HTR1F: variants seen among roughly 807,000 people sequenced by gnomAD.
The protein encoded by HTR1F is 5-hydroxytryptamine receptor 1F, also known as 5-hydroxytryptamine (serotonin) receptor 1F, G protein-coupled.
HTR1F carries 17 observed loss-of-function variants against 24.0 expected under a neutral mutation model. The observed-to-expected ratio is 0.71, with a 90% CI of 0.48 to 1.06. HTR1F has a LOEUF of 1.06. Among genes scored for constraint, HTR1F ranks in the 50% least tolerant of loss-of-function variants. The pLI is 0.00. For synonymous variants in HTR1F, 186 were observed against 156.8 expected (o/e 1.19, Z -1.39); for missense variants, 391 against 427.8 (o/e 0.91, Z 0.76).
chr3:87,908,407 C>T (rs910628220), intron 2 of HTR1F, among the ~76,000 whole-genome samples: 1 of 151,860 alleles, frequency 6.6e-6, no homozygotes, highest in Admixed American at 6.6e-5. Flanking sequence ...CTTCTCGGTA[C>T]CTTATTCCCA....
chr3:87,877,708 C>T (rs1705701538), intron 2 of HTR1F, among the ~76,000 whole-genome samples: 1 of 152,128 alleles, frequency 6.6e-6, no homozygotes, highest in African/African-American at 2.4e-5. Flanking sequence ...TCTGAGTTAA[C>T]TCTAAAGCTC....
intron 2 of HTR1F, among the ~76,000 whole-genome samples, chr3:87,932,597 T>C (rs1704307390): frequency 1.3e-5 from 2 of 152,172 alleles, no homozygotes; most frequent in Admixed American, 1.3e-4. Context: ...CATTGGTAGC[T>C]TGATGGGGAT....
chr3:87,991,769 C>T lies in HTR1F; in HGVS notation c.1020C>T (p.Ser340=), dbSNP rs1024864304. 13 of 1,612,182 alleles carry T rather than the reference C, an allele frequency of 8.1e-6. No individual in the cohort carries two copies. Among genetic ancestry groups the T allele is most frequent in the East Asian group, 2.2e-5 (1 of 44,856 alleles). ...TGGCATGGCTTGGGTATCTCAATTC[C>T]CTTATAAATCCACTGATTTACACAA... ...NFLAWLGYLN[S]LINPLIYTIF... is the part of the protein sequence containing the mutation. The change falls in exon 3 of 3, where the codon TCC becomes TCT. Residue 340 remains serine (S), a synonymous_variant. Transcript: ENST00000319595.
chr3:87,956,708 A>C (rs1235486911), intron 2 of HTR1F, among the ~76,000 whole-genome samples: 1 of 151,396 alleles, frequency 6.6e-6, no homozygotes, highest in East Asian at 1.9e-4. Flanking sequence ...ATCTTTGAAA[A>C]ATTAATTCCC....
At chr3:87,823,425 C>T (rs546029158) in intron 2 of HTR1F, among the ~76,000 whole-genome samples, 25 of 152,226 alleles carry the variant, frequency 1.6e-4, no homozygotes, top group African/African-American at 2.6e-4. Context: ...TTTTCAAGAC[C>T]TCTAGATGTT....
At chr3:87,931,894 TG>T (rs1704282827) in intron 2 of HTR1F, among the ~76,000 whole-genome samples, 1 of 151,640 alleles carries the variant, frequency 6.6e-6, no homozygotes, top group Non-Finnish European at 1.5e-5. Context: ...TTGATGGGGT[TG>T]TTTTTTTCTT....
At chr3:87,945,949 G>T (rs763759886) in intron 2 of HTR1F, among the ~76,000 whole-genome samples, 3 of 152,060 alleles carry the variant, frequency 2.0e-5, no homozygotes, top group Non-Finnish European at 4.4e-5. Flanking sequence ...GGCAAGCCTC[G>T]GGTTCTCTGA....
chr3:87,938,676 C>T (rs1260765564), intron 2 of HTR1F, among the ~76,000 whole-genome samples: 1 of 152,086 alleles, frequency 6.6e-6, no homozygotes, highest in Non-Finnish European at 1.5e-5. Context: ...GTGACAAAAA[C>T]AAGAAATGGG....
intron 2 of HTR1F, among the ~76,000 whole-genome samples, chr3:87,942,826 T>C (rs1347636598): frequency 1.3e-5 from 2 of 151,996 alleles, no homozygotes; most frequent in Non-Finnish European, 2.9e-5. Flanking sequence ...TTCAACAGGG[T>C]TTCTAAGTTT....
intron 2 of HTR1F, among the ~76,000 whole-genome samples, chr3:87,919,251 A>G (rs1559631489): frequency 6.6e-6 from 1 of 152,180 alleles, no homozygotes. Flanking sequence ...TAAATCTAAG[A>G]CTTGAAACTA....
intron 2 of HTR1F, among the ~76,000 whole-genome samples, chr3:87,849,850 T>C (rs1190279781): frequency 2.0e-5 from 3 of 151,864 alleles, no homozygotes; most frequent in East Asian, 1.9e-4. Flanking sequence ...AAAAGACAGA[T>C]GAAAAAATGC....
Position 87,990,746 on chromosome 3 carries a change from G to GA in HTR1F, c.1dup. ...AGCTATATTAATCTTTTAAAACAAA[G>GA]AAAATGGATTTCTTAAATTCATCTG... On this transcript the variant is annotated 5_prime_UTR_variant, in exon 3 of 3. Coordinates refer to ENST00000319595, the MANE Select transcript of HTR1F (RefSeq NM_001322209.2). 6.2e-7 allele frequency: 1 copy of GA among 1,603,252 alleles called. No individual in the cohort carries two copies. The highest frequency in any genetic ancestry group is 8.5e-7 in the Non-Finnish European group (1 of 1,171,780).
At chr3:87,804,022 T>A (rs918870955) in intron 1 of HTR1F, among the ~76,000 whole-genome samples, 1 of 152,136 alleles carries the variant, frequency 6.6e-6, no homozygotes, top group African/African-American at 2.4e-5. Context: ...CTATAGATTT[T>A]GTTGCTCTTT....
intron 2 of HTR1F, among the ~76,000 whole-genome samples, chr3:87,903,160 AC>A (rs1474585054): frequency 1.3e-4 from 19 of 151,988 alleles, no homozygotes; most frequent in Non-Finnish European, 2.4e-4. Context: ...TAGACCTAAA[AC>A]CATAAAAACC....
At chr3:87,939,929 T>C (rs945271087) in intron 2 of HTR1F, among the ~76,000 whole-genome samples, 15 of 152,216 alleles carry the variant, frequency 9.9e-5, no homozygotes, top group Non-Finnish European at 1.9e-4. Flanking sequence ...CTGCTCTTGC[T>C]TCTCTAGTTC....
chr3:87,963,510 A>G (rs1409620905), intron 2 of HTR1F, among the ~76,000 whole-genome samples: 1 of 152,112 alleles, frequency 6.6e-6, no homozygotes, highest in Non-Finnish European at 1.5e-5. Flanking sequence ...GAATAAAACA[A>G]TGAGCCATTT....
chr3:87,857,746 C>G (rs1175609531), intron 2 of HTR1F, among the ~76,000 whole-genome samples: 1 of 152,022 alleles, frequency 6.6e-6, no homozygotes, highest in African/African-American at 2.4e-5. Flanking sequence ...ACATCACTAC[C>G]CAGAGTCCAT....
chr3:87,859,518 A>T (rs749849896), intron 2 of HTR1F, among the ~76,000 whole-genome samples: 1 of 152,202 alleles, frequency 6.6e-6, no homozygotes, highest in African/African-American at 2.4e-5. Flanking sequence ...CAAAATTGTA[A>T]TCATTTCAGG....
At chr3:87,919,587 A>G (rs1703967453) in intron 2 of HTR1F, among the ~76,000 whole-genome samples, 2 of 152,188 alleles carry the variant, frequency 1.3e-5, no homozygotes, top group South Asian at 2.1e-4. Flanking sequence ...TCAAAAGAAG[A>G]TATACAAATG....
Sources: allele counts gnomAD v4.1 joint callset (sites outside exome capture counted in the v4.1 genomes callset), GRCh38; gene constraint gnomAD v4.1.1; transcripts MANE v1.5; gene names NCBI Gene and HGNC (gene_info 2026-07-23, HGNC 2026-07-21).